Variants in ARHGEF3 observed in about 807,000 individuals in gnomAD.
ARHGEF3 encodes Rho guanine nucleotide exchange factor 3.
ARHGEF3 carries 28 observed loss-of-function variants against 63.2 expected under a neutral mutation model. That is an observed-to-expected ratio of 0.44 (90% CI 0.33 to 0.61). The LOEUF is 0.61. ARHGEF3 is among the 20% of genes least tolerant of loss of function. The probability of loss-of-function intolerance (pLI) is 0.03; values close to 1 mark genes in which losing one functional copy is unlikely to be tolerated. For missense variants in ARHGEF3, 533 were observed against 659.3 expected (o/e 0.81, Z 2.10); for synonymous variants, 266 against 254.2 (o/e 1.05, Z -0.44).
chr3:56,884,909 G>A (rs1253156752), intron 3 of ARHGEF3, among the ~76,000 whole-genome samples: 1 of 152,218 alleles, frequency 6.6e-6, no homozygotes, highest in East Asian at 1.9e-4. Context: ...GGAGAGAGAA[G>A]CAATTTGCTC....
intron 1 of ARHGEF3, among the ~76,000 whole-genome samples, chr3:57,048,592 T>A (rs1704555789): frequency 6.6e-6 from 1 of 152,134 alleles, no homozygotes; most frequent in Admixed American, 6.6e-5. Flanking sequence ...ACTTGAGCTC[T>A]GTGTGCTCTC....
At chr3:57,044,137 C>T (rs1472104080) in intron 1 of ARHGEF3, among the ~76,000 whole-genome samples, 1 of 152,264 alleles carries the variant, frequency 6.6e-6, no homozygotes, top group Non-Finnish European at 1.5e-5. Flanking sequence ...GTCTCCCCAA[C>T]TGCACCAGGC....
At chr3:57,019,273 T>C (rs1703146991) in intron 2 of ARHGEF3, among the ~76,000 whole-genome samples, 2 of 152,202 alleles carry the variant, frequency 1.3e-5, no homozygotes. Context: ...TAGGTGGCCA[T>C]TTCTCCTCCA....
chr3:56,776,915 A>G (rs761670293), intron 1 of ARHGEF3, among the ~76,000 whole-genome samples: 3 of 152,214 alleles, frequency 2.0e-5, no homozygotes, highest in Admixed American at 6.5e-5. Context: ...GTATCTCACT[A>G]AAGTTTAAAA....
chr3:57,026,169 G>A (rs1703465370), intron 2 of ARHGEF3, among the ~76,000 whole-genome samples: 1 of 152,158 alleles, frequency 6.6e-6, no homozygotes, highest in Non-Finnish European at 1.5e-5. Flanking sequence ...GGAGGCCAAG[G>A]CAGAAGGATC....
At chr3:56,918,865 C>T (rs2042053288) in intron 3 of ARHGEF3, among the ~76,000 whole-genome samples, 1 of 152,194 alleles carries the variant, frequency 6.6e-6, no homozygotes, top group African/African-American at 2.4e-5. Context: ...ATCACTGTCA[C>T]ACATTCGAAC....
rs901012569 is a variant in ARHGEF3, at chr3:56,728,445, G to A, written c.*825C>T. Reference sequence around the variant, plus strand: ...AAATAATGAGTAGGCCTAGGCAGATGAAACACAATGAATACAGGGCCTTCT... The same window carrying A: ...AAATAATGAGTAGGCCTAGGCAGATAAAACACAATGAATACAGGGCCTTCT... On this transcript the variant is annotated 3_prime_UTR_variant, in exon 10 of 10. Transcript: ENST00000296315. The A allele has an allele frequency of 6.6e-6, 1 of 152,632 alleles. No individual in the cohort carries two copies. Among genetic ancestry groups the A allele is most frequent in the African/African-American group, 2.4e-5 (1 of 41,442 alleles). The allele number at this position is 152,632 out of a possible 1,614,324, so 9.5% of individuals were successfully genotyped here.
intron 2 of ARHGEF3, among the ~76,000 whole-genome samples, chr3:56,770,884 G>C (rs1374261462): frequency 2.6e-5 from 4 of 152,128 alleles, no homozygotes; most frequent in East Asian, 3.9e-4. Context: ...GGCCGAGGCA[G>C]GTGGATCACT....
chr3:56,831,223 C>T (rs1027384904), intron 4 of ARHGEF3, among the ~76,000 whole-genome samples: 5 of 152,196 alleles, frequency 3.3e-5, no homozygotes, highest in South Asian at 2.1e-4. Context: ...GACCCAAGGC[C>T]GTATGGCGAG....
At chr3:56,755,231 G>C in intron 2 of ARHGEF3, 80 bp from the exon 3 acceptor site, 2 of 1,446,420 alleles carry the variant, frequency 1.4e-6, no homozygotes, top group Non-Finnish European at 1.9e-6. Context: ...TGTCGTTGAC[G>C]GAACATAAAT....
chr3:56,866,106 G>A (rs2040240706), intron 4 of ARHGEF3, among the ~76,000 whole-genome samples: 1 of 152,280 alleles, frequency 6.6e-6, no homozygotes, highest in East Asian at 1.9e-4. Flanking sequence ...TCAAGGCTGA[G>A]GTGAGCTGTG....
chr3:56,967,379 TTA>T (rs1700562866), intron 2 of ARHGEF3, among the ~76,000 whole-genome samples: 1 of 72,136 alleles, frequency 1.4e-5, no homozygotes, highest in African/African-American at 6.8e-5. Context: ...ATATTATATA[TTA>T]TACATATTAT....
At chr3:56,853,607 T>C (rs2108156836) in intron 4 of ARHGEF3, among the ~76,000 whole-genome samples, 1 of 152,304 alleles carries the variant, frequency 6.6e-6, no homozygotes, top group South Asian at 2.1e-4. Context: ...AGTGCTGGGA[T>C]TACAAGTGTG....
In ARHGEF3 at chr3:56,808,898, A is replaced by G. The variant is rs922842455; in HGVS notation, c.193-35082T>C. Among the ~76,000 whole-genome samples, 9 of 152,302 alleles carry G rather than the reference A, an allele frequency of 5.9e-5. No individual in the cohort carries two copies. In the East Asian group the frequency reaches 1.7e-3, roughly 29 times the overall value. On this transcript the variant is annotated intron_variant, in intron 4 of 12. Coordinates refer to the ARHGEF3 transcript ENST00000338458. ...ATGATACACAGAACAGCTTCCCATA[A>G]CAAAGAATTAGCAGGTCCAAAATGC...
chr3:57,042,653 T>TAA, intron 1 of ARHGEF3, among the ~76,000 whole-genome samples: 2 of 7,880 alleles, frequency 2.5e-4, no homozygotes, highest in Admixed American at 2.7e-3. Flanking sequence ...TGTACATAAA[T>TAA]ATATATATAT....
At chr3:57,075,872 CAAAGT>C (rs1341237948) in intron 1 of ARHGEF3, among the ~76,000 whole-genome samples, 1 of 152,132 alleles carries the variant, frequency 6.6e-6, no homozygotes, top group Non-Finnish European at 1.5e-5. Context: ...CAATTTTCAT[CAAAGT>C]AAAGAAGAAA....
intron 4 of ARHGEF3, among the ~76,000 whole-genome samples, chr3:56,871,724 A>C (rs1030569867): frequency 6.6e-6 from 1 of 152,218 alleles, no homozygotes; most frequent in Non-Finnish European, 1.5e-5. Flanking sequence ...GCTTATCATA[A>C]CAGACTGAGT....
chr3:56,786,989 T>C (rs2036853279), intron 1 of ARHGEF3, among the ~76,000 whole-genome samples: 1 of 152,060 alleles, frequency 6.6e-6, no homozygotes, highest in African/African-American at 2.4e-5. Context: ...AAGGACATTC[T>C]GGTGGTAAAA....
chr3:56,845,558 C>T (rs746582386), intron 4 of ARHGEF3, among the ~76,000 whole-genome samples: 22 of 152,126 alleles, frequency 1.4e-4, no homozygotes, highest in Non-Finnish European at 2.9e-4. Flanking sequence ...TGTTGATTTT[C>T]CCTTTCCTTT....
Sources: allele counts gnomAD v4.1 joint callset (sites outside exome capture counted in the v4.1 genomes callset), GRCh38; gene constraint gnomAD v4.1.1; transcripts MANE v1.5; gene names NCBI Gene and HGNC (gene_info 2026-07-23, HGNC 2026-07-21).